EPSTI1: variants seen among roughly 807,000 people sequenced by gnomAD.
EPSTI1 encodes the protein epithelial-stromal interaction protein 1.
A neutral mutation model predicts 49.9 loss-of-function variants in EPSTI1; 66 were observed. That is an observed-to-expected ratio of 1.32 (90% CI 1.08 to 1.62). The LOEUF (loss-of-function observed/expected upper bound fraction) is 1.62, where lower values mean the gene tolerates loss of function less well. EPSTI1 is among the 40% of genes most tolerant of loss of function. The pLI is 0.00. For missense variants in EPSTI1, 394 were observed against 365.5 expected, an observed-to-expected ratio of 1.08 and a Z score of -0.64; for synonymous variants, 137 against 130.7, an observed-to-expected ratio of 1.05 and a Z score of -0.33.
intron 6 of EPSTI1, among the ~76,000 whole-genome samples, chr13:42,941,949 T>G (rs1444396571): frequency 6.6e-6 from 1 of 152,190 alleles, no homozygotes; most frequent in African/African-American, 2.4e-5. Context: ...TTAATTTCTA[T>G]GGAGAATTAG....
Position 42,992,084 on chromosome 13 carries a change from A to C in EPSTI1, c.82T>G (p.Ser28Ala). The C allele has an allele frequency of 6.2e-7, 1 of 1,613,210 alleles. No homozygotes were observed. Among genetic ancestry groups the C allele is most frequent in the Admixed American group, 1.7e-5 (1 of 60,012 alleles). Residue 28 changes from serine (S) to alanine (A), a missense_variant, in exon 1 of 11, where the codon TCT (serine) becomes GCT (alanine). Physicochemically the swap from Ser to Ala is moderately conservative, Grantham distance 99 (BLOSUM62 1). Transcript: ENST00000313624. Reference sequence around the variant, plus strand: ...GGGCTCAGCTCCCCTTGCCGCCCAGAAGGGTCCTGGGGATCCCGGGTCGGG... The same window carrying C: ...GGGCTCAGCTCCCCTTGCCGCCCAGCAGGGTCCTGGGGATCCCGGGTCGGG... ...SRPTRDPQDP[S>A]GRQGELSPVE...
intron 1 of EPSTI1, among the ~76,000 whole-genome samples, chr13:42,984,470 AATGT>A (rs2040043181): frequency 1.3e-5 from 2 of 152,246 alleles, no homozygotes; most frequent in African/African-American, 4.8e-5. Context: ...AGATGCAAAT[AATGT>A]GAGTCAAAAT....
At position 42,919,316 on chromosome 13, in the gene EPSTI1, G is replaced by A. The variant is rs777172144; in HGVS notation, c.658-1692C>T. On this transcript the variant is annotated intron_variant, in intron 7 of 10. Coordinates refer to ENST00000313624, the MANE Select transcript of EPSTI1 (RefSeq NM_033255.5). ...TTTGCTTACCCAGCTGTGATCCCTA[G>A]GCAGGATAGGAAGTTTCTGTTCAAA... 6 of 1,613,598 alleles carry A rather than the reference G, an allele frequency of 3.7e-6. No homozygotes were observed. The South Asian group carries it at 6.6e-5, about 18-fold the overall frequency.
At position 42,896,506 on chromosome 13, in the gene EPSTI1, A is replaced by G. The variant is rs186711874; in HGVS notation, c.816-1398T>C. 5.1e-4 allele frequency among the ~76,000 whole-genome samples: 78 copies of G among 152,292 alleles called. 1 individual carries two copies. The highest frequency in any genetic ancestry group is 4.6e-3 in the Admixed American group (71 of 15,294). The stretch of plus-strand genomic sequence containing the variant: ...TCCTCCACCCCACACCCAAACCGCT[A>G]CAAGGCTTGTTTGCTCTACCTCCTG... On this transcript the variant is annotated intron_variant, in intron 9 of 10. Transcript: ENST00000313624.
intron 6 of EPSTI1, among the ~76,000 whole-genome samples, chr13:42,931,933 T>C (rs2038389693): frequency 6.6e-6 from 1 of 152,236 alleles, no homozygotes; most frequent in South Asian, 2.1e-4. Context: ...AATTTTATTC[T>C]AATATAGGTT....
chr13:42,932,498 T>G (rs2038409327), intron 6 of EPSTI1, among the ~76,000 whole-genome samples: 1 of 151,980 alleles, frequency 6.6e-6, no homozygotes, highest in Admixed American at 6.6e-5. Flanking sequence ...CCTCTAGCCT[T>G]CCAAACCTTT....
intron 6 of EPSTI1, among the ~76,000 whole-genome samples, chr13:42,936,581 C>T (rs1240808112): frequency 2.0e-5 from 3 of 152,208 alleles, no homozygotes; most frequent in East Asian, 1.9e-4. Context: ...CGTATCTACC[C>T]GAACTCTACA....
At chr13:42,944,119 C>A (rs975852646) in intron 6 of EPSTI1, among the ~76,000 whole-genome samples, 1 of 152,162 alleles carries the variant, frequency 6.6e-6, no homozygotes, top group Non-Finnish European at 1.5e-5. Flanking sequence ...GGCAATTCCT[C>A]AAGGATCTAG....
At chr13:42,902,231 A>G (rs1025826929) in intron 8 of EPSTI1, among the ~76,000 whole-genome samples, 1 of 125,182 alleles carries the variant, frequency 8.0e-6, no homozygotes, top group Non-Finnish European at 1.9e-5. Context: ...TTCTCTTACA[A>G]CTTTTTTTTT....
intron 6 of EPSTI1, among the ~76,000 whole-genome samples, chr13:42,938,216 C>A (rs1378056127): frequency 6.6e-6 from 1 of 151,986 alleles, no homozygotes; most frequent in African/African-American, 2.4e-5. Flanking sequence ...AATATGCTAA[C>A]TTTGAGATGC....
intron 1 of EPSTI1, among the ~76,000 whole-genome samples, chr13:42,971,181 C>T (rs148736584): frequency 4.6e-4 from 70 of 152,236 alleles, no homozygotes; most frequent in African/African-American, 1.6e-3. Flanking sequence ...CTCCTAGGGA[C>T]ACAGGTTGAG....
intron 6 of EPSTI1, among the ~76,000 whole-genome samples, chr13:42,933,312 T>TAAAA (rs1178617129): frequency 2.6e-5 from 2 of 77,338 alleles, no homozygotes; most frequent in African/African-American, 7.3e-5. Flanking sequence ...ACATAAAAAG[T>TAAAA]AAAAAAAAAA....
At chr13:42,990,721 G>A (rs990784070) in intron 1 of EPSTI1, among the ~76,000 whole-genome samples, 7 of 152,154 alleles carry the variant, frequency 4.6e-5, no homozygotes, top group Non-Finnish European at 8.8e-5. Context: ...TAAAGGCCTG[G>A]TACTTTCCAA....
intron 5 of EPSTI1, among the ~76,000 whole-genome samples, chr13:42,958,817 T>C (rs1370515034): frequency 2.0e-5 from 3 of 151,954 alleles, no homozygotes; most frequent in South Asian, 4.2e-4. Flanking sequence ...GCATTGGGCA[T>C]TGTGAAAGAC....
chr13:42,978,531 C>A (rs182730413), intron 1 of EPSTI1, among the ~76,000 whole-genome samples: 390 of 152,300 alleles, frequency 2.6e-3, no homozygotes, highest in African/African-American at 9.1e-3. Context: ...TGAGCAGTTC[C>A]CAGCTTGACT....
chr13:42,911,347 C>A (rs1204243867), intron 8 of EPSTI1, among the ~76,000 whole-genome samples: 2 of 152,054 alleles, frequency 1.3e-5, no homozygotes, highest in East Asian at 3.9e-4. Context: ...GTGAAATAAA[C>A]TTCTAAAATG....
chr13:42,917,489 T>C, intron 8 of EPSTI1, 52 bp downstream of exon 8: 1 of 1,424,410 alleles, frequency 7.0e-7, no homozygotes, highest in Non-Finnish European at 9.8e-7. Flanking sequence ...TTCAAAATTA[T>C]CTAGTACCTC....
At chr13:42,953,304 T>C (rs950609549) in intron 6 of EPSTI1, among the ~76,000 whole-genome samples, 10 of 151,808 alleles carry the variant, frequency 6.6e-5, no homozygotes, top group African/African-American at 2.4e-4. Context: ...GAGCTAGGAC[T>C]TTGAACCCAG....
Position 42,940,413 on chromosome 13 carries a change from T to C in EPSTI1, c.563+13535A>G, listed in dbSNP as rs140700290. On this transcript the variant is annotated intron_variant, in intron 6 of 10. Coordinates refer to ENST00000313624, the MANE Select transcript of EPSTI1 (RefSeq NM_033255.5). ...CTAACACTATGTTCCTTCATAGGAA[T>C]TGTTCGAATCCTACACAGTTATCCT... Among the ~76,000 whole-genome samples, 1,387 of 152,338 alleles carry C rather than the reference T, an allele frequency of 9.1e-3. 14 individuals carry two copies. Among genetic ancestry groups the C allele is most frequent in the Middle Eastern group, 0.034 (10 of 294 alleles).
Sources: gnomAD v4.1 joint callset for allele counts (sites outside exome capture counted in the v4.1 genomes callset) on GRCh38, gnomAD v4.1.1 for gene constraint, MANE v1.5 for transcripts, NCBI Gene and HGNC (gene_info 2026-07-23, HGNC 2026-07-21) for gene names.